Variants in WAC observed in about 807,000 individuals in gnomAD.
WAC encodes WW domain containing adaptor with coiled-coil.
A neutral mutation model predicts 79.6 loss-of-function variants in WAC; 11 were observed. The observed-to-expected ratio is 0.14, with a 90% CI of 0.09 to 0.23. WAC has a LOEUF of 0.23. Ranked by LOEUF, WAC falls within the 10% of genes least tolerant of loss-of-function variation. The pLI is 1.00. For synonymous variants in WAC, 304 were observed against 276.9 expected (o/e 1.10, Z -0.97); for missense variants, 728 against 773.5 (o/e 0.94, Z 0.70).
intron 3 of WAC, among the ~76,000 whole-genome samples, chr10:28,564,708 A>T (rs1270894842): frequency 6.6e-6 from 1 of 152,250 alleles, no homozygotes; most frequent in East Asian, 1.9e-4. Context: ...CAATTATGAA[A>T]TAATACTGCA....
rs757982830 is a variant in WAC, at chr10:28,620,272, T to C, written c.*666T>C. The C allele has an allele frequency of 2.0e-5, 3 of 152,706 alleles. No individual in the cohort carries two copies. The highest frequency in any genetic ancestry group is 7.2e-5 in the African/African-American group (3 of 41,474). 9.5% of individuals were successfully genotyped at this position (152,706 alleles called of 1,614,324 possible). On this transcript the variant is annotated 3_prime_UTR_variant, in exon 14 of 14. Transcript: ENST00000354911. The stretch of plus-strand genomic sequence containing the variant: ...TAAGGCACTGTTGCTATGGCACTTT[T>C]CTATAACCTTTTCATTCCTGTGTAC...
chr10:28,544,231 G>T (rs1040941721), intron 3 of WAC, among the ~76,000 whole-genome samples: 1 of 152,056 alleles, frequency 6.6e-6, no homozygotes, highest in Non-Finnish European at 1.5e-5. Flanking sequence ...CCCTTTATTC[G>T]CTTGTATTAA....
At chr10:28,568,196 GTCT>G (rs1388799726) in intron 3 of WAC, among the ~76,000 whole-genome samples, 7 of 152,166 alleles carry the variant, frequency 4.6e-5, no homozygotes, top group African/African-American at 1.7e-4. Context: ...TTCTCAAACT[GTCT>G]TCTTTTTGAA....
At chr10:28,589,954 G>A (rs1427792276) in intron 5 of WAC, 103 bp downstream of exon 5, 3 of 792,606 alleles carry the variant, frequency 3.8e-6, no homozygotes, top group African/African-American at 1.8e-5. Context: ...TTATAGTGCT[G>A]CCCATCTACA....
chr10:28,559,135 G>GTGTGTGT (rs750941388), intron 3 of WAC, among the ~76,000 whole-genome samples: 64 of 64,804 alleles, frequency 9.9e-4, no homozygotes, highest in African/African-American at 4.6e-3. Context: ...CGAGAAACCT[G>GTGTGTGT]ATGTGTGTGT....
chr10:28,611,700 A>G lies in WAC; in HGVS notation c.1289-74A>G, dbSNP rs1164458821. ...AGAGTAATACAAATATCTTTGCCAC[A>G]TATATTACAAAGGACTTTAGTTTTT... On this transcript the variant is annotated intron_variant, in intron 9 of 13. Transcript: ENST00000354911. 8 of 1,548,712 alleles carry G rather than the reference A, an allele frequency of 5.2e-6. No homozygotes were observed. In the African/African-American group the frequency reaches 1.1e-4, roughly 21 times the overall value.
At chr10:28,551,631 A>G (rs1464422684) in intron 3 of WAC, among the ~76,000 whole-genome samples, 4 of 152,158 alleles carry the variant, frequency 2.6e-5, no homozygotes, top group African/African-American at 7.2e-5. Context: ...TTTTCACTGA[A>G]TTGTTTTTAA....
rs539779941 is a variant in WAC, at chr10:28,619,356, T to C, written c.1875-181T>C. ...CATCCTTATACTTTAATAGATATTA[T>C]GTATTAAATGTTTACTTTGTCTTAA... On this transcript the variant is annotated intron_variant, in intron 13 of 13. Coordinates refer to ENST00000354911, the MANE Select transcript of WAC (RefSeq NM_016628.5). 5.3e-5 allele frequency among the ~76,000 whole-genome samples: 8 copies of C among 152,362 alleles called. No individual in the cohort carries two copies. The South Asian group carries it at 1.0e-3, about 20-fold the overall frequency.
intron 4 of WAC, among the ~76,000 whole-genome samples, chr10:28,587,341 T>TTG (rs1184000474): frequency 6.6e-6 from 1 of 152,220 alleles, no homozygotes; most frequent in Non-Finnish European, 1.5e-5. Flanking sequence ...CTGCATTCAA[T>TTG]CTGTTATGAT....
At chr10:28,539,051 T>C (rs1836855228) in intron 3 of WAC, among the ~76,000 whole-genome samples, 1 of 152,144 alleles carries the variant, frequency 6.6e-6, no homozygotes, top group Admixed American at 6.5e-5. Flanking sequence ...TTTTAAGATT[T>C]AATGATTTTC....
intron 3 of WAC, among the ~76,000 whole-genome samples, chr10:28,538,848 G>C (rs1243592616): frequency 1.4e-5 from 2 of 138,842 alleles, no homozygotes; most frequent in Non-Finnish European, 3.0e-5. Flanking sequence ...TGGGTTGATA[G>C]AGTGAGACCC....
At chr10:28,553,009 C>G (rs926043515) in intron 3 of WAC, among the ~76,000 whole-genome samples, 1 of 152,028 alleles carries the variant, frequency 6.6e-6, no homozygotes, top group Admixed American at 6.6e-5. Context: ...TGTGTCCTGC[C>G]AGCTCATGGT....
rs769678745 is a variant in WAC, at chr10:28,619,954, C to CT, written c.*354dup. 471 of 139,558 alleles carry CT rather than the reference C, an allele frequency of 3.4e-3. 2 individuals are homozygous for CT. The highest frequency in any genetic ancestry group is 3.8e-3 in the Non-Finnish European group (250 of 65,746). 8.6% of individuals were successfully genotyped at this position (139,558 alleles called of 1,614,324 possible). On this transcript the variant is annotated 3_prime_UTR_variant, in exon 14 of 14. Coordinates refer to ENST00000354911, the MANE Select transcript of WAC (RefSeq NM_016628.5). ...CATGTAAACCTGTCTGCAAAATTAG[C>CT]TTTTTTAAAAAAAAAAAAAAAAAAA...
chr10:28,602,254 G>A (rs2132752488), intron 7 of WAC, among the ~76,000 whole-genome samples: 1 of 152,280 alleles, frequency 6.6e-6, no homozygotes, highest in Admixed American at 6.5e-5. Flanking sequence ...TATCTTTTGT[G>A]TGTATTAACA....
At chr10:28,549,386 T>G (rs1837540686) in intron 3 of WAC, among the ~76,000 whole-genome samples, 1 of 152,200 alleles carries the variant, frequency 6.6e-6, no homozygotes, top group Non-Finnish European at 1.5e-5. Flanking sequence ...TTTTCAGGCC[T>G]ACATATCTCT....
chr10:28,618,510 CA>C (rs1424028215), intron 13 of WAC, among the ~76,000 whole-genome samples: 2 of 152,276 alleles, frequency 1.3e-5, no homozygotes, highest in African/African-American at 4.8e-5. Context: ...TTCTTATAGT[CA>C]GATTGCTCTG....
intron 2 of WAC, among the ~76,000 whole-genome samples, chr10:28,534,642 TTGTG>T (rs1296010639): frequency 7.9e-5 from 12 of 152,220 alleles, no homozygotes; most frequent in Admixed American, 7.8e-4. Context: ...ACTGCAGTCA[TTGTG>T]TGTGAAGTTC....
intron 3 of WAC, among the ~76,000 whole-genome samples, chr10:28,544,912 A>C (rs377713934): frequency 3.3e-5 from 5 of 152,018 alleles, no homozygotes; most frequent in African/African-American, 1.2e-4. Context: ...AAAAATACAA[A>C]AATTAGCTGG....
Position 28,617,919 on chromosome 10 carries a change from A to G in WAC, c.1874+135A>G, listed in dbSNP as rs1025776561. On this transcript the variant is annotated intron_variant, in intron 13 of 13. Coordinates refer to ENST00000354911, the MANE Select transcript of WAC (RefSeq NM_016628.5). ...TACATTGATCACATTCTATCACTGC[A>G]TTTTCATAAGTTAATATTTCTCGTG... is the stretch of plus-strand genomic sequence containing the variant. The G allele has an allele frequency of 8.7e-6, 9 of 1,034,578 alleles. No homozygotes were observed. In the African/African-American group the frequency reaches 1.4e-4, roughly 16 times the overall value. 64.1% of individuals were successfully genotyped at this position (1,034,578 alleles called of 1,614,324 possible).
Sources: allele counts gnomAD v4.1 joint callset (sites outside exome capture counted in the v4.1 genomes callset), GRCh38; gene constraint gnomAD v4.1.1; transcripts MANE v1.5; gene names NCBI Gene and HGNC (gene_info 2026-07-23, HGNC 2026-07-21).